The following SLC24A2 variants were observed in gnomAD, a reference collection of about 807,000 sequenced individuals.
The protein encoded by SLC24A2 is sodium/potassium/calcium exchanger 2.
A neutral mutation model predicts 62.0 loss-of-function variants in SLC24A2; 36 were observed. The observed-to-expected ratio is 0.58, with a 90% confidence interval of 0.44 to 0.77. The LOEUF is 0.77. Among genes scored for constraint, SLC24A2 ranks in the 30% least tolerant of loss-of-function variants. The pLI, the probability that SLC24A2 is intolerant of heterozygous loss-of-function variation, is 0.00. For synonymous variants in SLC24A2, 358 were observed against 294.0 expected, an observed-to-expected ratio of 1.22 and a Z score of -2.23; for missense variants, 846 against 817.9, an observed-to-expected ratio of 1.03 and a Z score of -0.42.
Position 19,788,486 on chromosome 9 carries a change from C to T in SLC24A2, c.-154+399G>A, listed in dbSNP as rs1416847431. 5.1e-6 allele frequency: 5 copies of T among 984,986 alleles called. No homozygotes were observed. In the Admixed American group the frequency reaches 2.5e-4, roughly 48 times the overall value. 61.0% of individuals were successfully genotyped at this position (984,986 alleles called of 1,614,324 possible). ...TTGCCTTGCGTGGTCCCAAACTTTC[C>T]CTGGTGGATTAATAGGAAAATAAAT... On this transcript the variant is annotated intron_variant, in intron 1 of 10. Transcript: ENST00000341998.
chr9:19,936,595 G>C, the SLC24A2 span, among the ~76,000 whole-genome samples: 2 of 152,130 alleles, frequency 1.3e-5, no homozygotes, highest in Non-Finnish European at 2.9e-5. Context: ...ACTTACAATA[G>C]TACAAACAAT....
chr9:19,508,606 A>G lies in SLC24A2; in HGVS notation c.*7547T>C, dbSNP rs1832596028. On this transcript the variant is annotated 3_prime_UTR_variant, in exon 11 of 11. Coordinates refer to ENST00000341998, the MANE Select transcript of SLC24A2 (RefSeq NM_020344.4). ...CCAGGAGTTTGAGACCAGCCTGGGT[A>G]ACATAGTGAGACTCCATCTCTTAAC... is the stretch of plus-strand genomic sequence containing the variant. 1 of 152,114 alleles carries G rather than the reference A, an allele frequency of 6.6e-6. No individual in the cohort carries two copies. Among genetic ancestry groups the G allele is most frequent in the Non-Finnish European group, 1.5e-5 (1 of 68,042 alleles). 9.4% of individuals were successfully genotyped at this position (152,114 alleles called of 1,614,324 possible). A position where few individuals can be genotyped will look rare whatever the true frequency, so the allele number is the denominator to read the frequency against.
chr9:19,718,284 CTTTTTTTTTTTTTTTTT>C (rs71335446), intron 2 of SLC24A2, among the ~76,000 whole-genome samples: 1 of 55,714 alleles, frequency 1.8e-5, no homozygotes, highest in Non-Finnish European at 2.9e-5. Context: ...TGATTTAACA[CTTTTTTTTTTTTTTTTT>C]TTTTTTTTTT....
the SLC24A2 span, among the ~76,000 whole-genome samples, chr9:20,059,316 T>C: frequency 2.0e-5 from 3 of 152,272 alleles, no homozygotes; most frequent in African/African-American, 7.2e-5. Context: ...CAGACATACA[T>C]AGAAAACTCC....
At chr9:20,278,360 C>G in the SLC24A2 span, among the ~76,000 whole-genome samples, 2 of 152,156 alleles carry the variant, frequency 1.3e-5, no homozygotes, top group East Asian at 1.9e-4. Flanking sequence ...CAGACCAAAT[C>G]TTTGTGAATC....
chr9:19,816,759 C>G, the SLC24A2 span, among the ~76,000 whole-genome samples: 1 of 152,004 alleles, frequency 6.6e-6, no homozygotes, highest in East Asian at 1.9e-4. Context: ...TTTAAACAAC[C>G]AGATCTCATG....
chr9:19,563,077 G>A (rs757592540), intron 7 of SLC24A2, among the ~76,000 whole-genome samples: 6 of 152,146 alleles, frequency 3.9e-5, no homozygotes, highest in Non-Finnish European at 8.8e-5. Context: ...CTGTACTCCA[G>A]CCTGGGTGAT....
At chr9:20,074,149 C>A in the SLC24A2 span, among the ~76,000 whole-genome samples, 1 of 151,996 alleles carries the variant, frequency 6.6e-6, no homozygotes, top group Non-Finnish European at 1.5e-5. Flanking sequence ...ATTTGCTTCT[C>A]AGAAAACACA....
chr9:20,291,456 G>A, the SLC24A2 span, among the ~76,000 whole-genome samples: 1 of 152,176 alleles, frequency 6.6e-6, no homozygotes, highest in Non-Finnish European at 1.5e-5. Flanking sequence ...TTTGTCTGGA[G>A]CTTTAAGTGG....
the SLC24A2 span, among the ~76,000 whole-genome samples, chr9:20,261,733 C>CTTTTTTTTT: frequency 1.8e-3 from 138 of 75,294 alleles, 10 homozygotes; most frequent in East Asian, 3.4e-3. Context: ...AACACCAAAT[C>CTTTTTTTTT]TTTTTTTTTT....
the SLC24A2 span, among the ~76,000 whole-genome samples, chr9:19,835,658 A>G: frequency 6.6e-6 from 1 of 152,210 alleles, no homozygotes; most frequent in African/African-American, 2.4e-5. Flanking sequence ...TCAACATTAG[A>G]CAGATCAACG....
the SLC24A2 span, among the ~76,000 whole-genome samples, chr9:20,161,785 C>A: frequency 6.7e-6 from 1 of 149,908 alleles, no homozygotes; most frequent in African/African-American, 2.5e-5. Flanking sequence ...CACACACACA[C>A]AAACATCATA....
At chr9:20,045,080 T>A in the SLC24A2 span, among the ~76,000 whole-genome samples, 5 of 152,316 alleles carry the variant, frequency 3.3e-5, no homozygotes, top group Admixed American at 1.3e-4. Flanking sequence ...ATAAAATGTA[T>A]CAATTTAGGT....
At chr9:19,827,817 C>T in the SLC24A2 span, among the ~76,000 whole-genome samples, 1 of 152,190 alleles carries the variant, frequency 6.6e-6, no homozygotes, top group Admixed American at 6.5e-5. Flanking sequence ...AAATGTCCTA[C>T]TGAGGGTTAA....
chr9:19,921,085 G>GT, the SLC24A2 span, among the ~76,000 whole-genome samples: 1 of 148,134 alleles, frequency 6.8e-6, no homozygotes, highest in African/African-American at 2.5e-5. Flanking sequence ...TTATGGGGGG[G>GT]GGGTGTTCCA....
intron 5 of SLC24A2, among the ~76,000 whole-genome samples, chr9:19,590,541 AC>A (rs1308272949): frequency 3.3e-5 from 5 of 151,410 alleles, no homozygotes; most frequent in African/African-American, 7.3e-5. Context: ...AGCAATAACC[AC>A]CCCTTCTACC....
chr9:19,560,344 C>T (rs1487576475), intron 7 of SLC24A2, among the ~76,000 whole-genome samples: 1 of 135,548 alleles, frequency 7.4e-6, no homozygotes, highest in Non-Finnish European at 1.6e-5. Flanking sequence ...ACTCTCTACA[C>T]TCCTCTGTAT....
chr9:20,000,299 G>C, the SLC24A2 span, among the ~76,000 whole-genome samples: 2 of 152,088 alleles, frequency 1.3e-5, no homozygotes, highest in Non-Finnish European at 2.9e-5. Flanking sequence ...TATGGATAAG[G>C]AATTGGAGGA....
the SLC24A2 span, among the ~76,000 whole-genome samples, chr9:20,112,905 C>T: frequency 6.6e-6 from 1 of 151,916 alleles, no homozygotes; most frequent in African/African-American, 2.4e-5. Context: ...GGTCTCCCAT[C>T]TCTGAACGTC....
Sources: allele counts gnomAD v4.1 joint callset (sites outside exome capture counted in the v4.1 genomes callset), GRCh38; gene constraint gnomAD v4.1.1; transcripts MANE v1.5; gene names NCBI Gene and HGNC (gene_info 2026-07-23, HGNC 2026-07-21).